The following NR4A3 variants were observed in gnomAD, a reference collection of about 807,000 sequenced individuals.
The protein encoded by NR4A3 is nuclear receptor subfamily 4 group A member 3.
Under a neutral mutation model 55.6 loss-of-function variants are expected in NR4A3, and 13 were observed. The ratio of observed to expected loss-of-function variants is 0.23; its 90% CI spans 0.15 to 0.37. The LOEUF (loss-of-function observed/expected upper bound fraction) is 0.37, where lower values mean the gene tolerates loss of function less well. Ranked by LOEUF, NR4A3 falls within the 10% of genes least tolerant of loss-of-function variation. The pLI is 1.00. For synonymous variants in NR4A3, 342 were observed against 357.9 expected (o/e 0.96, Z 0.50); for missense variants, 646 against 822.8 (o/e 0.79, Z 2.63).
At chr9:99,861,699 T>C (rs1042750480) in intron 7 of NR4A3, among the ~76,000 whole-genome samples, 6 of 152,220 alleles carry the variant, frequency 3.9e-5, no homozygotes, top group Non-Finnish European at 7.3e-5. Flanking sequence ...GGCCTCTTAT[T>C]TGGGACAAGA....
intron 7 of NR4A3, among the ~76,000 whole-genome samples, chr9:99,860,225 T>TA (rs397693692): frequency 6.6e-6 from 1 of 151,952 alleles, no homozygotes; most frequent in African/African-American, 2.4e-5. Context: ...TTTTTTTTTT[T>TA]AATTTTGCTT....
intron 5 of NR4A3, among the ~76,000 whole-genome samples, chr9:99,837,913 G>A (rs1420427503): frequency 6.6e-6 from 1 of 152,158 alleles, no homozygotes; most frequent in Non-Finnish European, 1.5e-5. Context: ...ATGGGAGGTG[G>A]AGGGGTTTTG....
intron 5 of NR4A3, among the ~76,000 whole-genome samples, chr9:99,842,453 A>C (rs1312726758): frequency 6.6e-6 from 1 of 152,194 alleles, no homozygotes. Context: ...TTCATAGGCC[A>C]GACGCGGTGG....
intron 7 of NR4A3, among the ~76,000 whole-genome samples, chr9:99,857,290 T>C (rs979569962): frequency 5.9e-5 from 9 of 152,144 alleles, no homozygotes; most frequent in African/African-American, 2.2e-4. Context: ...GAGACGTGGC[T>C]GATTTGAAGG....
chr9:99,832,372 C>T (rs1057470135), intron 3 of NR4A3, among the ~76,000 whole-genome samples: 1 of 151,840 alleles, frequency 6.6e-6, no homozygotes, highest in Non-Finnish European at 1.5e-5. Context: ...AAATTGTTCC[C>T]AAAGGGATAT....
rs371022184 is a variant in NR4A3 at position 99,833,218 on chromosome 9, G to C, written c.1082-64G>C. On this transcript the variant is annotated intron_variant, in intron 4 of 7. Coordinates refer to ENST00000395097, the MANE Select transcript of NR4A3 (RefSeq NM_006981.4). ...CTGTAATGTGTTTTTATTCCTTTTT[G>C]CGATTTATGGTCGTTCATTCCATAA... 34 of 1,520,904 alleles carry C rather than the reference G, an allele frequency of 2.2e-5. 1 individual carries two copies. The highest frequency in any genetic ancestry group is 2.2e-4 in the African/African-American group (16 of 71,652). 94.2% of individuals were successfully genotyped at this position (1,520,904 alleles called of 1,614,324 possible).
intron 7 of NR4A3, among the ~76,000 whole-genome samples, chr9:99,857,511 G>C (rs182787547): frequency 6.6e-6 from 1 of 152,208 alleles, no homozygotes; most frequent in Non-Finnish European, 1.5e-5. Flanking sequence ...TCGAGGCCAG[G>C]GGTGGTGGCT....
At chr9:99,834,623 A>G (rs1056959940) in intron 5 of NR4A3, 38 of 199,572 alleles carry the variant, frequency 1.9e-4, no homozygotes, top group African/African-American at 8.5e-4. Context: ...AGGTCTAATC[A>G]GTGTTTCAAG....
rs746365146 is a variant in NR4A3, at chr9:99,828,366, C to CCAGCAG, written c.330_335dup (p.Gln110_Gln111dup). 2 of 1,599,908 alleles carry CCAGCAG rather than the reference C, an allele frequency of 1.3e-6. No homozygotes were observed. Among genetic ancestry groups the CCAGCAG allele is most frequent in the East Asian group, 2.2e-5 (1 of 44,828 alleles). ...ACCACCACCACCACCACCACCATCACCAGCAGCAGCATCAGCAGCCATCCA... is the reference window on the plus strand; with the variant it reads ...ACCACCACCACCACCACCACCATCACCAGCAGCAGCAGCAGCATCAGCAGCCATCCA... On this transcript the variant is annotated inframe_insertion, in exon 3 of 8. Transcript: ENST00000395097. This position sits in a 1 kb window ranked among gnomAD's most constrained non-coding sequence, Gnocchi z 7.7.
Position 99,847,560 on chromosome 9 carries a change from C to G in NR4A3, c.1578C>G (p.Ser526Arg), listed in dbSNP as rs142411208. 1.7e-4 allele frequency: 281 copies of G among 1,614,002 alleles called. No homozygotes were observed. Among genetic ancestry groups the G allele is most frequent in the Non-Finnish European group, 2.1e-4 (253 of 1,180,024 alleles). The change falls in exon 7 of 8, where the codon AGC (serine) becomes AGG (arginine). Residue 526 changes from serine (S) to arginine (R), a missense_variant. Coordinates refer to ENST00000395097, the MANE Select transcript of NR4A3 (RefSeq NM_006981.4). ...SIKDFSLNLQSLNLDIQALAC... is the reference protein window; with the variant it reads ...SIKDFSLNLQRLNLDIQALAC... ...AAGACTTTTCCTTAAATTTGCAGAGCCTGAACCTTGATATCCAAGCCTTAG... is the reference window on the plus strand; with the variant it reads ...AAGACTTTTCCTTAAATTTGCAGAGGCTGAACCTTGATATCCAAGCCTTAG...
chr9:99,837,970 CCTGAGTT>C, intron 5 of NR4A3, among the ~76,000 whole-genome samples: 1 of 152,300 alleles, frequency 6.6e-6, no homozygotes, highest in Non-Finnish European at 1.5e-5. Context: ...AGAAAGAGCT[CCTGAGTT>C]CTGTGAAGCA....
chr9:99,824,767 T>G (rs16918734), intron 1 of NR4A3, among the ~76,000 whole-genome samples: 52,619 of 152,144 alleles, frequency 0.35, 9,354 homozygotes, highest in Middle Eastern at 0.38. Context: ...GGCACCCAGT[T>G]CCTTCCCTGA....
At chr9:99,824,599 G>C (rs752608544) in intron 1 of NR4A3, among the ~76,000 whole-genome samples, 1 of 152,224 alleles carries the variant, frequency 6.6e-6, no homozygotes, top group Non-Finnish European at 1.5e-5. Flanking sequence ...TCTTCCTGCA[G>C]GCAAGCCCCG....
intron 7 of NR4A3, among the ~76,000 whole-genome samples, chr9:99,861,013 C>G (rs1827999662): frequency 6.6e-6 from 1 of 152,202 alleles, no homozygotes; most frequent in African/African-American, 2.4e-5. Flanking sequence ...ATCTGCCACT[C>G]AATAATTCCG....
At chr9:99,834,590 G>C (rs868281996) in intron 5 of NR4A3, among the ~76,000 whole-genome samples, 31 of 152,256 alleles carry the variant, frequency 2.0e-4, no homozygotes, top group African/African-American at 6.7e-4. Flanking sequence ...TGTCTTGGTG[G>C]CTACTACCAA....
At chr9:99,854,964 A>C (rs562580689) in intron 7 of NR4A3, among the ~76,000 whole-genome samples, 82 of 146,476 alleles carry the variant, frequency 5.6e-4, no homozygotes, top group Non-Finnish European at 1.0e-3. Flanking sequence ...ACCCATGAGC[A>C]TGGAATGTTC....
intron 7 of NR4A3, among the ~76,000 whole-genome samples, chr9:99,852,079 G>A (rs1038421488): frequency 6.6e-6 from 1 of 152,228 alleles, no homozygotes; most frequent in African/African-American, 2.4e-5. Flanking sequence ...CAGATGCAGT[G>A]TAGAGTAAGT....
intron 3 of NR4A3, among the ~76,000 whole-genome samples, chr9:99,832,411 G>A (rs1174396928): frequency 1.3e-5 from 2 of 152,142 alleles, no homozygotes; most frequent in African/African-American, 4.8e-5. Flanking sequence ...AATTCTCCAA[G>A]GTATGATATG....
Position 99,828,694 on chromosome 9 carries a change from G to A in NR4A3, c.652G>A (p.Ala218Thr). 1 of 1,330,126 alleles carries A rather than the reference G, an allele frequency of 7.5e-7. No homozygotes were observed. The highest frequency in any genetic ancestry group is 9.5e-7 in the Non-Finnish European group (1 of 1,047,702). The allele number at this position is 1,330,126 out of a possible 1,614,324, so 82.4% of individuals were successfully genotyped here. Residue 218 changes from alanine to threonine, a missense_variant, in exon 3 of 8, where the codon GCT (alanine) becomes ACT (threonine). Ala to Thr is a moderately conservative substitution (Grantham distance 58, BLOSUM62 0). Coordinates refer to ENST00000395097, the MANE Select transcript of NR4A3 (RefSeq NM_006981.4). This position sits in a 1 kb window ranked among gnomAD's most constrained non-coding sequence, Gnocchi z 7.7. ...GHHLGYDPTAAAALSLPLGAA... is the reference protein window; with the variant it reads ...GHHLGYDPTATAALSLPLGAA... ...CCACCTCGGCTACGACCCGACGGCCGCTGCCGCGCTCAGCCTGCCGCTGGG... is the reference window on the plus strand; with the variant it reads ...CCACCTCGGCTACGACCCGACGGCCACTGCCGCGCTCAGCCTGCCGCTGGG...
Sources: allele counts gnomAD v4.1 joint callset (sites outside exome capture counted in the v4.1 genomes callset), GRCh38; gene constraint gnomAD v4.1.1; non-coding constraint Gnocchi (gnomAD v3.1); transcripts MANE v1.5; gene names NCBI Gene and HGNC (gene_info 2026-07-23, HGNC 2026-07-21).